The following WDR62 variants were observed in gnomAD, a reference collection of about 807,000 sequenced individuals.
WDR62 encodes WD repeat domain 62.
In WDR62, 112 loss-of-function variants were observed where a neutral mutation model predicts 160.6. That is an observed-to-expected ratio of 0.70 (90% CI 0.60 to 0.82). WDR62 has a LOEUF of 0.82. Among genes scored for constraint, WDR62 ranks in the 40% least tolerant of loss-of-function variants. The pLI is 0.00. For synonymous variants in WDR62, 792 were observed against 815.1 expected (o/e 0.97, Z 0.48); for missense variants, 1,819 against 1,983.8 (o/e 0.92, Z 1.58).
At chr19:36,072,776 C>T (rs1482060589) in intron 8 of WDR62, among the ~76,000 whole-genome samples, 1 of 152,174 alleles carries the variant, frequency 6.6e-6, no homozygotes, top group East Asian at 1.9e-4. Context: ...TGCTCTGTGA[C>T]CTTGGGAAGG....
chr19:36,073,196 A>G, intron 8 of WDR62, 146 bp from the exon 9 acceptor site: 3 of 836,526 alleles, frequency 3.6e-6, no homozygotes, highest in Non-Finnish European at 6.0e-6. Flanking sequence ...GGGAAGAGGG[A>G]AAAGTAGAAT....
intron 7 of WDR62, among the ~76,000 whole-genome samples, chr19:36,069,572 C>G (rs1971169490): frequency 6.6e-6 from 1 of 152,240 alleles, no homozygotes; most frequent in Admixed American, 6.5e-5. Context: ...AGACGCTCCT[C>G]ACTTCCCAGA....
At position 36,099,488 on chromosome 19, in the gene WDR62, A is replaced by G. The variant is rs886043560; in HGVS notation, c.2610A>G (p.Gln870=). 5 of 1,614,084 alleles carry G rather than the reference A, an allele frequency of 3.1e-6. No homozygotes were observed. Among genetic ancestry groups the G allele is most frequent in the Non-Finnish European group, 2.5e-6 (3 of 1,180,028 alleles). The change falls in exon 22 of 32, where the codon CAA becomes CAG. Residue 870 remains glutamine (Q), a synonymous_variant. Transcript: ENST00000401500. ...PHGRWAERAG[Q]EPLKTILDAQ... ...GCCGCTGGGCAGAGCGGGCCGGCCAAGAGCCCCTCAAGACCATCCTGGATG... is the reference window on the plus strand; with the variant it reads ...GCCGCTGGGCAGAGCGGGCCGGCCAGGAGCCCCTCAAGACCATCCTGGATG...
chr19:36,090,247 G>A (rs772194951), intron 15 of WDR62, among the ~76,000 whole-genome samples, 198 bp from the exon 16 acceptor site: 2 of 152,216 alleles, frequency 1.3e-5, no homozygotes, highest in Non-Finnish European at 2.9e-5. Flanking sequence ...TGCAGTGTGT[G>A]GGGGAGATGA....
In WDR62 at chr19:36,094,142, A is replaced by G. The variant is rs1972808363; in HGVS notation, c.2445A>G (p.Pro815=). The G allele has an allele frequency of 6.2e-7, 1 of 1,614,068 alleles. No individual in the cohort carries two copies. Among genetic ancestry groups the G allele is most frequent in the Non-Finnish European group, 8.5e-7 (1 of 1,180,032 alleles). ...ECEPEEMLKT[P]SKDSLDPDPR... is the part of the protein sequence containing the mutation. Reference sequence around the variant, plus strand: ...AGCCAGAAGAGATGCTGAAGACACCATCCAAAGATAGCTTGGATCCAGGTT... The same window carrying G: ...AGCCAGAAGAGATGCTGAAGACACCGTCCAAAGATAGCTTGGATCCAGGTT... Residue 815 remains proline, a synonymous_variant, in exon 20 of 32, where the codon CCA becomes CCG. Coordinates refer to ENST00000401500, the MANE Select transcript of WDR62 (RefSeq NM_001083961.2).
At chr19:36,085,500 A>C (rs958632325) in intron 12 of WDR62, among the ~76,000 whole-genome samples, 1 of 143,124 alleles carries the variant, frequency 7.0e-6, no homozygotes, top group Non-Finnish European at 1.5e-5. Flanking sequence ...AGTTCACTGC[A>C]ACTTCCGCCT....
intron 8 of WDR62, among the ~76,000 whole-genome samples, chr19:36,072,612 T>G (rs1383064613): frequency 6.6e-6 from 1 of 152,146 alleles, no homozygotes; most frequent in Admixed American, 6.5e-5. Context: ...GGGCTGCCTC[T>G]TTGTGGATTT....
Position 36,083,099 on chromosome 19 carries a change from C to G in WDR62, c.1408C>G (p.Gln470Glu). The G allele has an allele frequency of 6.2e-7, 1 of 1,613,578 alleles. No individual in the cohort carries two copies. The highest frequency in any genetic ancestry group is 8.5e-7 in the Non-Finnish European group (1 of 1,179,754). The change falls in exon 11 of 32, where the codon CAG (glutamine) becomes GAG (glutamate). Residue 470 changes from glutamine to glutamate, a missense_variant. Coordinates refer to ENST00000401500, the MANE Select transcript of WDR62 (RefSeq NM_001083961.2). ...LKVVYVENDI[Q>E]HLQDMSHFPD... ...GGTCGTGTACGTGGAGAATGACATC[C>G]AGCACCTGCAGGACATGTCACACTT... is the stretch of plus-strand genomic sequence containing the variant.
At chr19:36,083,982 A>G (rs899363157) in intron 11 of WDR62, among the ~76,000 whole-genome samples, 3 of 152,166 alleles carry the variant, frequency 2.0e-5, no homozygotes, top group African/African-American at 7.2e-5. Flanking sequence ...TCAGTGTGTC[A>G]GTGAGCTGCT....
chr19:36,081,741 C>T, intron 10 of WDR62, 171 bp downstream of exon 10: 1 of 812,564 alleles, frequency 1.2e-6, no homozygotes, highest in Non-Finnish European at 2.1e-6. Flanking sequence ...GTTTCTCTTT[C>T]TCCTGCCCCC....
chr19:36,109,239 C>T (rs1435745991), downstream of WDR62, among the ~76,000 whole-genome samples: 2 of 152,194 alleles, frequency 1.3e-5, no homozygotes, highest in Non-Finnish European at 1.5e-5. Context: ...AACCTTTCAG[C>T]GCTTATCCAG....
chr19:36,079,451 G>A (rs550432928), intron 9 of WDR62, among the ~76,000 whole-genome samples: 3 of 152,114 alleles, frequency 2.0e-5, no homozygotes, highest in East Asian at 1.9e-4. Flanking sequence ...CTCTTCTTTC[G>A]TCTCAATCTC....
downstream of WDR62, among the ~76,000 whole-genome samples, chr19:36,107,138 C>T (rs575877437): frequency 2.2e-4 from 33 of 152,312 alleles, no homozygotes; most frequent in African/African-American, 7.9e-4. Context: ...GATGGAGGGA[C>T]GTTGGTTACC....
rs1457886572 is a variant in WDR62 at position 36,071,503 on chromosome 19, G to T, written c.883-53G>T. On this transcript the variant is annotated intron_variant, in intron 7 of 31. Coordinates refer to ENST00000401500, the MANE Select transcript of WDR62 (RefSeq NM_001083961.2). ...CTGCTCTGTCAGTCCCCATATCCCCGGGCCAGGCCACGTGAAGCACCAAAT... is the reference window on the plus strand; with the variant it reads ...CTGCTCTGTCAGTCCCCATATCCCCTGGCCAGGCCACGTGAAGCACCAAAT... 3 of 1,612,498 alleles carry T rather than the reference G, an allele frequency of 1.9e-6. No individual in the cohort carries two copies. The African/African-American group carries it at 4.0e-5, about 22-fold the overall frequency.
Position 36,105,068 on chromosome 19 carries a change from A to T in WDR62, c.*40A>T, listed in dbSNP as rs766839495. 6 of 1,579,040 alleles carry T rather than the reference A, an allele frequency of 3.8e-6. No homozygotes were observed. The highest frequency in any genetic ancestry group is 5.1e-6 in the Non-Finnish European group (6 of 1,169,996). ...CACCGCAGCCCTGCTGCTTCTGAGG[A>T]CTTAGGTATTTTAAGCGAATAAACT... On this transcript the variant is annotated 3_prime_UTR_variant, in exon 32 of 32. Coordinates refer to ENST00000401500, the MANE Select transcript of WDR62 (RefSeq NM_001083961.2).
intron 26 of WDR62, 82 bp from the exon 27 acceptor site, chr19:36,102,655 C>G: frequency 1.6e-6 from 2 of 1,245,450 alleles, no homozygotes; most frequent in Non-Finnish European, 2.3e-6. Context: ...CTGGGGAGTG[C>G]CCCGCTGGGC....
At chr19:36,079,052 GTCTTT>G (rs754138486) in intron 9 of WDR62, among the ~76,000 whole-genome samples, 2 of 151,814 alleles carry the variant, frequency 1.3e-5, no homozygotes, top group Non-Finnish European at 2.9e-5. Flanking sequence ...GAAGAACTCT[GTCTTT>G]TCTTTTTTTT....
intron 3 of WDR62, among the ~76,000 whole-genome samples, chr19:36,064,579 C>G (rs192216461): frequency 6.7e-6 from 1 of 150,072 alleles, no homozygotes; most frequent in Admixed American, 6.6e-5. Flanking sequence ...GCGCCCAGCC[C>G]CACTTCTTTT....
chr19:36,106,242 TG>T (rs931337378), downstream of WDR62, among the ~76,000 whole-genome samples: 3 of 151,926 alleles, frequency 2.0e-5, no homozygotes, highest in Non-Finnish European at 4.4e-5. Context: ...GGTGCACACC[TG>T]TAGTCCCAGC....
Sources: allele counts gnomAD v4.1 joint callset (sites outside exome capture counted in the v4.1 genomes callset), GRCh38; gene constraint gnomAD v4.1.1; transcripts MANE v1.5; gene names NCBI Gene and HGNC (gene_info 2026-07-23, HGNC 2026-07-21).